Variants in SYNE1 observed in about 807,000 individuals in gnomAD.
The protein encoded by SYNE1 is spectrin repeat containing nuclear envelope protein 1.
Under a neutral mutation model 1,111.0 loss-of-function variants are expected in SYNE1, and 616 were observed. That is an observed-to-expected ratio of 0.55 (90% CI 0.52 to 0.59). The LOEUF (loss-of-function observed/expected upper bound fraction) is 0.59. Among genes scored for constraint, SYNE1 ranks in the 20% least tolerant of loss-of-function variants. The probability of loss-of-function intolerance (pLI) is 0.00; values close to 1 mark genes in which losing one functional copy is unlikely to be tolerated. For missense variants in SYNE1, 10,006 were observed against 10,417.0 expected, an observed-to-expected ratio of 0.96 and a Z score of 1.72; for synonymous variants, 3,855 against 3,825.8, an observed-to-expected ratio of 1.01 and a Z score of -0.28.
At chr6:152,125,431 T>C in intron 145 of SYNE1, 1 of 1,476,740 alleles carries the variant, frequency 6.8e-7, no homozygotes, top group South Asian at 1.4e-5. Flanking sequence ...TTTGAGGCAG[T>C]TACATGACCA....
intron 73 of SYNE1, among the ~76,000 whole-genome samples, chr6:152,345,668 G>T (rs921908288): frequency 8.6e-5 from 13 of 151,736 alleles, no homozygotes; most frequent in African/African-American, 3.2e-4. Context: ...CACGTCACTG[G>T]TATATCATCA....
intron 37 of SYNE1, 116 bp from the exon 38 acceptor site, chr6:152,427,932 T>C: frequency 6.9e-7 from 1 of 1,457,264 alleles, no homozygotes; most frequent in Non-Finnish European, 9.4e-7. Context: ...CTCAGTTATC[T>C]CAGTCTTAGA....
rs1491115589 is a variant in SYNE1, at chr6:152,253,817, G to GTTTTTTTTTTTTTTTTT, written c.19470+1062_19470+1063insAAAAAAAAAAAAAAAAA. On this transcript the variant is annotated intron_variant, in intron 104 of 145. Coordinates refer to ENST00000367255, the MANE Select transcript of SYNE1 (RefSeq NM_182961.4). ...ATGCTACATTTATGTGTAGTGGTTT[G>GTTTTTTTTTTTTTTTTT]GTTTTTTTTTTTTTTTTTTTTTTTT... is the stretch of plus-strand genomic sequence containing the variant. Among the ~76,000 whole-genome samples the GTTTTTTTTTTTTTTTTT allele has an allele frequency of 4.1e-3, 242 of 59,150 alleles. 98 individuals carry two copies. Among genetic ancestry groups the GTTTTTTTTTTTTTTTTT allele is most frequent in the East Asian group, 8.0e-3 (11 of 1,378 alleles). The allele number at this position is 59,150 out of a possible 152,430, so 38.8% of individuals were successfully genotyped here.
intron 56 of SYNE1, chr6:152,380,685 C>A: frequency 2.8e-6 from 1 of 359,538 alleles, no homozygotes; most frequent in Middle Eastern, 9.3e-4. Flanking sequence ...CTATTTATGC[C>A]CCTGCCCACA....
At chr6:152,244,403 A>G in intron 106 of SYNE1, 134 bp downstream of exon 106, 1 of 1,341,234 alleles carries the variant, frequency 7.5e-7, no homozygotes, top group South Asian at 1.2e-5. Flanking sequence ...ATTTTCTAAG[A>G]GTTGCTTGGT....
chr6:152,551,543 C>T (rs1325486669), intron 3 of SYNE1, among the ~76,000 whole-genome samples: 1 of 151,986 alleles, frequency 6.6e-6, no homozygotes, highest in East Asian at 1.9e-4. Flanking sequence ...ATCAGGGAAA[C>T]AGGAATCAAA....
Position 152,385,797 on chromosome 6 carries a change from T to C in SYNE1, c.8529A>G (p.Leu2843=). Residue 2843 remains leucine, a synonymous_variant, in exon 55 of 146, where the codon CTA becomes CTG. Transcript: ENST00000367255. ...ACTCGTGGACCGCATCTAAATACATTAGATGATCTTTCACAATCTCTTCCA... is the reference window on the plus strand; with the variant it reads ...ACTCGTGGACCGCATCTAAATACATCAGATGATCTTTCACAATCTCTTCCA... ...RKVEEIVKDH[L]MYLDAVHEFT... The C allele has an allele frequency of 6.2e-7, 1 of 1,614,128 alleles. No individual in the cohort carries two copies. The highest frequency in any genetic ancestry group is 1.6e-4 in the Middle Eastern group (1 of 6,062).
intron 3 of SYNE1, among the ~76,000 whole-genome samples, chr6:152,614,055 C>T (rs2099639299): frequency 6.6e-6 from 1 of 152,158 alleles, no homozygotes. Context: ...CTAGGCAATA[C>T]CATTCAGGAC....
intron 61 of SYNE1, 85 bp downstream of exon 61, chr6:152,368,887 G>A: frequency 6.3e-7 from 1 of 1,580,368 alleles, no homozygotes; most frequent in Non-Finnish European, 8.7e-7. Context: ...GGGTCAGGAT[G>A]CAATGCACAC....
intron 74 of SYNE1, among the ~76,000 whole-genome samples, chr6:152,340,809 G>A (rs989163495): frequency 3.3e-5 from 5 of 152,310 alleles, no homozygotes; most frequent in Non-Finnish European, 7.4e-5. Flanking sequence ...GTGGAGAACG[G>A]CTTGCCACAG....
At position 152,148,014 on chromosome 6, in the gene SYNE1, A is replaced by C; in HGVS notation, c.24976+31T>G. ...TATTAATTCCCTCTGACTTTCCTTT[A>C]AGCTGGCAAACTGGAGAGGCTCTTT... On this transcript the variant is annotated intron_variant, in intron 137 of 145. Transcript: ENST00000367255. The surrounding 1 kb of genome is among the most constrained non-coding windows in gnomAD (Gnocchi z 4.1). 2 of 1,594,340 alleles carry C rather than the reference A, an allele frequency of 1.3e-6. No homozygotes were observed. Among genetic ancestry groups the C allele is most frequent in the Non-Finnish European group, 1.7e-6 (2 of 1,163,984 alleles).
At chr6:152,155,614 T>C (rs1366939658) in intron 132 of SYNE1, among the ~76,000 whole-genome samples, 1 of 152,244 alleles carries the variant, frequency 6.6e-6, no homozygotes, top group Non-Finnish European at 1.5e-5. Flanking sequence ...AGAATGTTAC[T>C]GTTCTCACAG....
Position 152,219,093 on chromosome 6 carries a change from T to C in SYNE1, c.21954A>G (p.Ala7318=), listed in dbSNP as rs1292500424. The C allele has an allele frequency of 6.2e-7, 1 of 1,614,136 alleles. No individual in the cohort carries two copies. Among genetic ancestry groups the C allele is most frequent in the East Asian group, 2.2e-5 (1 of 44,876 alleles). The part of the protein sequence containing the change: ...EQLKQQVDAS[A]ASAIQSDQLS... ...GTTGATCCGATTGAATAGCTGATGC[T>C]GCGGAAGCATCCACTTGTTGCTTCA... The change falls in exon 120 of 146, where the codon GCA becomes GCG. Residue 7318 remains alanine (A), a synonymous_variant. Transcript: ENST00000367255.
chr6:152,519,746 C>T (rs1457622991), intron 6 of SYNE1, among the ~76,000 whole-genome samples: 1 of 152,158 alleles, frequency 6.6e-6, no homozygotes. Context: ...TCTCAATTAT[C>T]TCTCCTAAGT....
intron 98 of SYNE1, among the ~76,000 whole-genome samples, chr6:152,276,329 T>C (rs2093626381): frequency 6.6e-6 from 1 of 152,158 alleles, no homozygotes; most frequent in Non-Finnish European, 1.5e-5. Flanking sequence ...GCCACTGTGC[T>C]CGGCTGACTT....
Position 152,358,498 on chromosome 6 carries a change from G to T in SYNE1, c.10483C>A (p.Gln3495Lys). ...TKSEKLVRLH[Q>K]EYQRDLKAFE... ...GCCTTTAGGTCTCTCTGATACTCTT[G>T]GTGCAGGCGGACAAGTTTTTCAGAC... Residue 3495 changes from glutamine to lysine, a missense_variant, in exon 66 of 146, where the codon CAA (glutamine) becomes AAA (lysine). Gln to Lys is a moderately conservative substitution (Grantham distance 53). Transcript: ENST00000367255. The T allele has an allele frequency of 6.2e-7, 1 of 1,614,062 alleles. No homozygotes were observed. Among genetic ancestry groups the T allele is most frequent in the Non-Finnish European group, 8.5e-7 (1 of 1,180,012 alleles).
At chr6:152,155,340 G>C in intron 132 of SYNE1, 1 of 391,980 alleles carries the variant, frequency 2.6e-6, no homozygotes, top group East Asian at 5.5e-5. Context: ...ACCAAGTTTA[G>C]AAAAGCAACA....
intron 39 of SYNE1, among the ~76,000 whole-genome samples, chr6:152,420,406 A>G (rs546237290): frequency 6.3e-4 from 96 of 152,264 alleles, no homozygotes; most frequent in African/African-American, 2.3e-3. Flanking sequence ...GATCACTTGA[A>G]GTCAGGAGTT....
Position 152,231,466 on chromosome 6 carries a change from A to G in SYNE1, c.20964T>C (p.Asp6988=), listed in dbSNP as rs1361567937. Residue 6988 remains aspartate, a synonymous_variant, in exon 114 of 146, where the codon GAT becomes GAC. Coordinates refer to ENST00000367255, the MANE Select transcript of SYNE1 (RefSeq NM_182961.4). Reference sequence around the variant, plus strand: ...CAAGTTGCTCAGCAAAATCAGTCTTATCACTACGCTTACTTTCCACATCCT... The same window carrying G: ...CAAGTTGCTCAGCAAAATCAGTCTTGTCACTACGCTTACTTTCCACATCCT... ...SSQDVESKRS[D]KTDFAEQLGA... is the part of the protein sequence containing the mutation. The G allele has an allele frequency of 4.3e-6, 7 of 1,614,068 alleles. No homozygotes were observed. Among genetic ancestry groups the G allele is most frequent in the African/African-American group, 1.3e-5 (1 of 74,910 alleles).
Sources: allele counts gnomAD v4.1 joint callset (sites outside exome capture counted in the v4.1 genomes callset), GRCh38; gene constraint gnomAD v4.1.1; non-coding constraint Gnocchi (gnomAD v3.1); transcripts MANE v1.5; gene names NCBI Gene and HGNC (gene_info 2026-07-23, HGNC 2026-07-21).